Variants in ADAM17 observed in about 807,000 individuals in gnomAD.
ADAM17 encodes ADAM metallopeptidase domain 17.
In ADAM17, 39 loss-of-function variants were observed where a neutral mutation model predicts 96.7. The observed-to-expected ratio is 0.40, with a 90% confidence interval of 0.31 to 0.53. The LOEUF is 0.53. Among genes scored for constraint, ADAM17 ranks in the 20% least tolerant of loss-of-function variants. The pLI, the probability that ADAM17 is intolerant of heterozygous loss-of-function variation, is 0.44. For missense variants in ADAM17, 777 were observed against 1,013.2 expected (o/e 0.77, Z 3.17); for synonymous variants, 344 against 359.2 (o/e 0.96, Z 0.48).
intron 6 of ADAM17, 108 bp from the exon 7 acceptor site, chr2:9,523,446 G>T: frequency 1.0e-6 from 1 of 981,314 alleles, no homozygotes; most frequent in Non-Finnish European, 1.5e-6. Context: ...AGAGGCCATT[G>T]CAAAAGTTTC....
At chr2:9,490,929 G>A (rs186278460) in intron 18 of ADAM17, among the ~76,000 whole-genome samples, 172 bp downstream of exon 18, 3 of 152,262 alleles carry the variant, frequency 2.0e-5, no homozygotes, top group African/African-American at 4.8e-5. Flanking sequence ...GCAACTAATC[G>A]AAGTTCACCA....
At chr2:9,512,258 TAAAAAAAAATCTC>T (rs1663788235) in intron 10 of ADAM17, 1 of 151,498 alleles carries the variant, frequency 6.6e-6, no homozygotes, top group South Asian at 2.1e-4. Flanking sequence ...TAATGACTCT[TAAAAAAAAATCTC>T]AAAAATTTCA....
Position 9,535,922 on chromosome 2 carries a change from C to A in ADAM17, c.362G>T (p.Gly121Val), listed in dbSNP as rs760965778. 6.5e-7 allele frequency: 1 copy of A among 1,531,788 alleles called. No homozygotes were observed. The highest frequency in any genetic ancestry group is 8.7e-7 in the Non-Finnish European group (1 of 1,143,184). 94.9% of individuals were successfully genotyped at this position (1,531,788 alleles called of 1,614,324 possible). The change falls in exon 4 of 19, where the codon GGT (glycine) becomes GTT (valine). Residue 121 changes from glycine (G) to valine (V), a missense_variant and splice_region_variant. Gly to Val is a moderately radical substitution (Grantham distance 109). Coordinates refer to ENST00000310823, the MANE Select transcript of ADAM17 (RefSeq NM_003183.6). The stretch of plus-strand genomic sequence containing the variant: ...GGCTAGAACCCTAGAGTCAGGCTCA[C>A]CTTAAGAGAAAAAAAAAATTATTAT... ...WQDFFTGHVVGEPDSRVLAHI... is the reference protein window; with the variant it reads ...WQDFFTGHVVVEPDSRVLAHI...
intron 11 of ADAM17, among the ~76,000 whole-genome samples, chr2:9,508,836 AG>A (rs1336968185): frequency 3.3e-5 from 5 of 152,306 alleles, no homozygotes; most frequent in African/African-American, 1.2e-4. Flanking sequence ...ACAGTTTGAC[AG>A]GTTGGAAGAG....
chr2:9,494,882 T>C (rs1365964971), intron 14 of ADAM17, 115 bp from the exon 15 acceptor site: 2 of 1,323,620 alleles, frequency 1.5e-6, no homozygotes, highest in African/African-American at 1.5e-5. Flanking sequence ...CATTTATTTT[T>C]TATTTAAATA....
intron 2 of ADAM17, among the ~76,000 whole-genome samples, chr2:9,540,433 A>C (rs1665161322): frequency 6.6e-6 from 1 of 152,104 alleles, no homozygotes; most frequent in Non-Finnish European, 1.5e-5. Flanking sequence ...TTTAGAGATA[A>C]CTTATGTAAA....
Position 9,555,591 on chromosome 2 carries a change from G to C in ADAM17, c.15C>G (p.Leu5=), listed in dbSNP as rs1435853798. Residue 5 remains leucine (L), a synonymous_variant, in exon 1 of 19, where the codon CTC becomes CTG. Coordinates refer to ENST00000310823, the MANE Select transcript of ADAM17 (RefSeq NM_003183.6). The part of the protein sequence containing the change: MRQS[L]LFLTSVVPFV... Reference sequence around the variant, plus strand: ...AAGGAACCACGCTGGTCAGGAATAGGAGAGACTGCCTCATGTTCCCGGCCC... The same window carrying C: ...AAGGAACCACGCTGGTCAGGAATAGCAGAGACTGCCTCATGTTCCCGGCCC... The C allele has an allele frequency of 6.3e-7, 1 of 1,589,688 alleles. No homozygotes were observed. The highest frequency in any genetic ancestry group is 2.3e-5 in the East Asian group (1 of 43,604).
At chr2:9,528,317 G>A (rs536777527) in intron 4 of ADAM17, among the ~76,000 whole-genome samples, 1 of 152,272 alleles carries the variant, frequency 6.6e-6, no homozygotes, top group East Asian at 1.9e-4. Context: ...ATAGGTGATG[G>A]TGCTATAGTA....
At chr2:9,511,944 C>T (rs1405917436) in intron 10 of ADAM17, among the ~76,000 whole-genome samples, 2 of 151,798 alleles carry the variant, frequency 1.3e-5, no homozygotes, top group Admixed American at 1.3e-4. Context: ...AACCCCCAGC[C>T]TGGGCAAAAG....
intron 14 of ADAM17, among the ~76,000 whole-genome samples, chr2:9,495,779 G>C: frequency 6.7e-6 from 1 of 150,170 alleles, no homozygotes; most frequent in Middle Eastern, 3.5e-3. Context: ...CTTTTACTGT[G>C]TCGGGCTCTG....
intron 1 of ADAM17, 130 bp downstream of exon 1, chr2:9,555,378 AC>A: frequency 1.4e-6 from 1 of 708,430 alleles, no homozygotes; most frequent in African/African-American, 1.8e-5. Context: ...CCCCTTCTAC[AC>A]TGAAAACTTA....
intron 11 of ADAM17, 122 bp from the exon 12 acceptor site, chr2:9,505,487 A>G: frequency 1.0e-6 from 1 of 989,368 alleles, no homozygotes; most frequent in East Asian, 2.6e-5. Context: ...GCCACCCTGG[A>G]GTTATGGCAA....
chr2:9,511,700 GT>G (rs1297919287), intron 10 of ADAM17, among the ~76,000 whole-genome samples: 1 of 152,162 alleles, frequency 6.6e-6, no homozygotes, highest in Non-Finnish European at 1.5e-5. Context: ...GCCAGGCACA[GT>G]GGCTCACGCC....
At position 9,543,240 on chromosome 2, in the gene ADAM17, G is replaced by A. The variant is rs781773909; in HGVS notation, c.143C>T (p.Ser48Phe). The change falls in exon 2 of 19, where the codon TCT (serine) becomes TTT (phenylalanine). Residue 48 changes from serine (S) to phenylalanine (F), a missense_variant. Around this residue, in one of 3 missense-constraint regions of ADAM17, gnomAD observed 134 missense variants for 129.1 expected, o/e 1.04. Transcript: ENST00000310823. ...LLSDYDILSLSNIQQHSVRKR... is the reference protein window; with the variant it reads ...LLSDYDILSLFNIQQHSVRKR... ...TCTTACCGAATGCTGCTGGATATTA[G>A]ATAAAGAGAGAATATCGTAGTCTGA... 2.2e-5 allele frequency: 36 copies of A among 1,608,690 alleles called. No individual in the cohort carries two copies. The highest frequency in any genetic ancestry group is 3.1e-5 in the Non-Finnish European group (36 of 1,177,464).
chr2:9,552,786 T>C lies in ADAM17; in HGVS notation c.97+2723A>G, dbSNP rs560886207. 4.6e-5 allele frequency among the ~76,000 whole-genome samples: 7 copies of C among 152,316 alleles called. No individual in the cohort carries two copies. The East Asian group carries it at 1.4e-3, about 29-fold the overall frequency. ...TCATATGACTCATAACTTTCCTAAA[T>C]TATGCAATTCATAACAGTTCAATTG... On this transcript the variant is annotated intron_variant, in intron 1 of 18. Transcript: ENST00000310823.
intron 10 of ADAM17, 71 bp from the exon 11 acceptor site, chr2:9,510,202 A>G: frequency 6.5e-7 from 1 of 1,529,228 alleles, no homozygotes; most frequent in East Asian, 2.2e-5. Context: ...AGTTGGGCCT[A>G]TGCTGTCTTA....
At chr2:9,539,449 A>C (rs1572953678) in intron 2 of ADAM17, among the ~76,000 whole-genome samples, 1 of 152,284 alleles carries the variant, frequency 6.6e-6, no homozygotes, top group East Asian at 1.9e-4. Flanking sequence ...AAGGAAATGA[A>C]ACTTGTAAGG....
At chr2:9,494,815 C>CAA in intron 14 of ADAM17, 48 bp from the exon 15 acceptor site, 3 of 1,604,120 alleles carry the variant, frequency 1.9e-6, no homozygotes, top group Non-Finnish European at 2.6e-6. Context: ...TGAGACCTGC[C>CAA]TCTCCTCCTG....
chr2:9,516,171 T>C (rs1664046272), intron 10 of ADAM17, among the ~76,000 whole-genome samples: 1 of 152,242 alleles, frequency 6.6e-6, no homozygotes, highest in Non-Finnish European at 1.5e-5. Context: ...TCTGCTCTTT[T>C]GTCTGTTTTT....
Sources: gnomAD v4.1 joint callset for allele counts (sites outside exome capture counted in the v4.1 genomes callset) on GRCh38, gnomAD v4.1.1 for gene constraint, gnomAD v4.1.1 regional missense constraint, MANE v1.5 for transcripts, NCBI Gene and HGNC (gene_info 2026-07-23, HGNC 2026-07-21) for gene names.